The following CAMSAP2 variants were observed in gnomAD, a reference collection of about 807,000 sequenced individuals.
CAMSAP2 encodes the protein calmodulin-regulated spectrin-associated protein 2.
CAMSAP2 carries 26 observed loss-of-function variants against 146.1 expected under a neutral mutation model. The observed-to-expected ratio is 0.18, with a 90% CI of 0.13 to 0.25. The LOEUF is 0.25. CAMSAP2 is among the 10% of genes least tolerant of loss of function. CAMSAP2 has a pLI of 1.00. For synonymous variants in CAMSAP2, 499 were observed against 596.6 expected (o/e 0.84, Z 2.38); for missense variants, 1,381 against 1,759.3 (o/e 0.78, Z 3.85).
Position 200,857,864 on chromosome 1 carries a change from G to A in CAMSAP2, c.4242G>A (p.Leu1414=), listed in dbSNP as rs776751245. The A allele has an allele frequency of 6.2e-7, 1 of 1,613,726 alleles. No homozygotes were observed. Among genetic ancestry groups the A allele is most frequent in the East Asian group, 2.2e-5 (1 of 44,844 alleles). ...CAGAAACTGAAGAAATCAATAAACTGACTGGGATAGGCCCTAAATCTATCA... is the reference window on the plus strand; with the variant it reads ...CAGAAACTGAAGAAATCAATAAACTAACTGGGATAGGCCCTAAATCTATCA... ...YCPETEEINK[L]TGIGPKSITK... is the part of the protein sequence containing the mutation. Residue 1414 remains leucine, a synonymous_variant, in exon 17 of 17, where the codon CTG becomes CTA. Coordinates refer to ENST00000358823, the MANE Select transcript of CAMSAP2 (RefSeq NM_203459.4). The surrounding 1 kb of genome is among the most constrained non-coding windows in gnomAD (Gnocchi z 4.7).
chr1:200,794,604 G>A (rs981457720), intron 2 of CAMSAP2, among the ~76,000 whole-genome samples: 6 of 152,152 alleles, frequency 3.9e-5, no homozygotes, highest in Non-Finnish European at 8.8e-5. Context: ...ATCTTAAAAT[G>A]AGCATCTGCC....
In CAMSAP2 at chr1:200,750,160, A is replaced by G. The variant is rs186886197; in HGVS notation, c.139+10194A>G. ...TGTGGGAAGACAAAATTTGGAGTAA[A>G]TATAGTAATTAAGATAAAAAGTGCT... On this transcript the variant is annotated intron_variant, in intron 1 of 16. Coordinates refer to ENST00000358823, the MANE Select transcript of CAMSAP2 (RefSeq NM_203459.4). Among the ~76,000 whole-genome samples the G allele has an allele frequency of 1.1e-4, 17 of 152,236 alleles. No individual in the cohort carries two copies. The East Asian group carries it at 3.3e-3, about 29-fold the overall frequency.
At chr1:200,745,844 C>T (rs897311533) in intron 1 of CAMSAP2, among the ~76,000 whole-genome samples, 4 of 152,162 alleles carry the variant, frequency 2.6e-5, no homozygotes, top group Non-Finnish European at 4.4e-5. Context: ...AATTTTGTCT[C>T]GTAACAGATT....
At chr1:200,752,128 C>T (rs1664523092) in intron 1 of CAMSAP2, among the ~76,000 whole-genome samples, 1 of 152,070 alleles carries the variant, frequency 6.6e-6, no homozygotes, top group Admixed American at 6.5e-5. Flanking sequence ...TTAAATTAAA[C>T]ATTAATGCAT....
Position 200,859,007 on chromosome 1 carries a change from CAT to C in CAMSAP2, c.*952_*953del, listed in dbSNP as rs1238427153. 6.6e-6 allele frequency: 1 copy of C among 152,408 alleles called. No homozygotes were observed. Among genetic ancestry groups the C allele is most frequent in the Non-Finnish European group, 1.5e-5 (1 of 67,898 alleles). The allele number at this position is 152,408 out of a possible 1,614,324, so 9.4% of individuals were successfully genotyped here. A position where few individuals can be genotyped will look rare whatever the true frequency, so the allele number is the denominator to read the frequency against. Reference sequence around the variant, plus strand: ...AAGTCTTTACATTATATTTATAACTCATATAAAAATTATATTTAGAATTTTTA... The same window carrying C: ...AAGTCTTTACATTATATTTATAACTCATAAAAATTATATTTAGAATTTTTA... On this transcript the variant is annotated 3_prime_UTR_variant, in exon 17 of 17. Coordinates refer to ENST00000358823, the MANE Select transcript of CAMSAP2 (RefSeq NM_203459.4).
rs1330006659 is a variant in CAMSAP2 at position 200,842,986 on chromosome 1, GA to G, written c.1021+913del. 6.4e-3 allele frequency among the ~76,000 whole-genome samples: 687 copies of G among 108,074 alleles called. 1 individual carries two copies. The highest frequency in any genetic ancestry group is 0.017 in the African/African-American group (489 of 29,100). The allele number at this position is 108,074 out of a possible 152,430, so 70.9% of individuals were successfully genotyped here. ...ATGAGACACCATCTCAAAAAAAAAA[GA>G]AAAAAAAAAAAAACTAGAGGTTTAT... is the stretch of plus-strand genomic sequence containing the variant. On this transcript the variant is annotated intron_variant, in intron 7 of 16. Transcript: ENST00000358823.
intron 2 of CAMSAP2, among the ~76,000 whole-genome samples, chr1:200,805,524 T>A (rs777357398): frequency 6.6e-6 from 1 of 152,218 alleles, no homozygotes; most frequent in African/African-American, 2.4e-5. Flanking sequence ...GGCTGCTCAT[T>A]AGCATCACCT....
chr1:200,852,363 G>A (rs965089146), intron 11 of CAMSAP2, among the ~76,000 whole-genome samples, 178 bp from the exon 12 acceptor site: 20 of 152,280 alleles, frequency 1.3e-4, no homozygotes, highest in African/African-American at 4.8e-4. Context: ...TGATGGAACT[G>A]TTACCACTGT....
chr1:200,798,138 T>C (rs1665936617), intron 2 of CAMSAP2, among the ~76,000 whole-genome samples: 1 of 150,362 alleles, frequency 6.7e-6, no homozygotes, highest in African/African-American at 2.5e-5. Context: ...TGGCTTAGGA[T>C]TGACTTGGCA....
intron 11 of CAMSAP2, 74 bp from the exon 12 acceptor site, chr1:200,852,467 G>T (rs1305906291): frequency 1.3e-6 from 2 of 1,523,340 alleles, no homozygotes; most frequent in African/African-American, 1.4e-5. Context: ...ACCACAAAAT[G>T]TGACTACAAC....
intron 3 of CAMSAP2, among the ~76,000 whole-genome samples, chr1:200,808,981 T>C (rs533107604): frequency 2.0e-5 from 3 of 152,246 alleles, no homozygotes; most frequent in Non-Finnish European, 4.4e-5. Flanking sequence ...AGGCAAATAT[T>C]GCTGGAGAAA....
Position 200,859,220 on chromosome 1 carries a change from C to T in CAMSAP2, c.*1161C>T, listed in dbSNP as rs1272485240. 1 of 152,560 alleles carries T rather than the reference C, an allele frequency of 6.6e-6. No individual in the cohort carries two copies. The highest frequency in any genetic ancestry group is 1.9e-4 in the East Asian group (1 of 5,334). The allele number at this position is 152,560 out of a possible 1,614,324, so 9.5% of individuals were successfully genotyped here. ...CAGAGGGTTAGTTGGGGAAAAACTTCATTCTCAGGAAAAGACTTGAATGAT... is the reference window on the plus strand; with the variant it reads ...CAGAGGGTTAGTTGGGGAAAAACTTTATTCTCAGGAAAAGACTTGAATGAT... On this transcript the variant is annotated 3_prime_UTR_variant, in exon 17 of 17. Transcript: ENST00000358823.
intron 4 of CAMSAP2, among the ~76,000 whole-genome samples, chr1:200,817,183 CACACACATGTGTGTGTGTATACACACAT>C (rs1666601266): frequency 1.4e-4 from 9 of 66,318 alleles, no homozygotes; most frequent in African/African-American, 6.8e-4. Flanking sequence ...TATATACACA[CACACACATGTGTGTGTGTATACACACAT>C]ACACACATAT....
intron 4 of CAMSAP2, among the ~76,000 whole-genome samples, chr1:200,828,395 A>G (rs1666957147): frequency 6.6e-6 from 1 of 152,198 alleles, no homozygotes; most frequent in South Asian, 2.1e-4. Context: ...GGTCTTTAGC[A>G]TTAGGAACTT....
At chr1:200,816,923 T>C (rs536957953) in intron 4 of CAMSAP2, among the ~76,000 whole-genome samples, 3 of 62,354 alleles carry the variant, frequency 4.8e-5, no homozygotes, top group South Asian at 6.3e-4. Flanking sequence ...TGTATGTGTG[T>C]ACACACACAC....
chr1:200,786,897 A>ATTGGGC (rs1324260847), intron 2 of CAMSAP2, among the ~76,000 whole-genome samples: 3 of 152,152 alleles, frequency 2.0e-5, no homozygotes, highest in African/African-American at 7.2e-5. Context: ...GGCACTTAAG[A>ATTGGGC]ACTATGCTAA....
At chr1:200,817,250 A>ATG (rs1558192364) in intron 4 of CAMSAP2, among the ~76,000 whole-genome samples, 168 of 10,572 alleles carry the variant, frequency 0.016, 5 homozygotes, top group East Asian at 0.037. Flanking sequence ...ATACACACAT[A>ATG]TGTGTGTGTA....
chr1:200,807,739 CTTT>C (rs397948290), intron 3 of CAMSAP2, among the ~76,000 whole-genome samples: 3 of 131,386 alleles, frequency 2.3e-5, no homozygotes, highest in Non-Finnish European at 3.3e-5. Context: ...TATGATTACT[CTTT>C]TTTTTTTTTT....
chr1:200,740,571 C>T (rs1664133816), intron 1 of CAMSAP2, among the ~76,000 whole-genome samples: 1 of 152,134 alleles, frequency 6.6e-6, no homozygotes, highest in Admixed American at 6.5e-5. Flanking sequence ...CTGTAGGGTG[C>T]AGTTTTCATT....
Sources: gnomAD v4.1 joint callset for allele counts (sites outside exome capture counted in the v4.1 genomes callset) on GRCh38, gnomAD v4.1.1 for gene constraint, Gnocchi (gnomAD v3.1) non-coding constraint, MANE v1.5 for transcripts, NCBI Gene and HGNC (gene_info 2026-07-23, HGNC 2026-07-21) for gene names.